The following SLC8A3 variants were observed in gnomAD, a reference collection of about 807,000 sequenced individuals.
SLC8A3 encodes the protein solute carrier family 8 member A3.
Under a neutral mutation model 65.4 loss-of-function variants are expected in SLC8A3, and 37 were observed. The observed-to-expected ratio is 0.57, with a 90% CI of 0.44 to 0.74. SLC8A3 has a LOEUF of 0.74. SLC8A3 is among the 30% of genes least tolerant of loss of function. The pLI, the probability that SLC8A3 is intolerant of heterozygous loss-of-function variation, is 0.00. For missense variants in SLC8A3, 1,112 were observed against 1,172.1 expected (o/e 0.95, Z 0.75); for synonymous variants, 461 against 444.5 (o/e 1.04, Z -0.47).
At chr14:70,066,708 G>C in intron 2 of SLC8A3, among the ~76,000 whole-genome samples, 1 of 152,224 alleles carries the variant, frequency 6.6e-6, no homozygotes, top group East Asian at 1.9e-4. Context: ...CTACTTGGGA[G>C]ACTGAGGCAG....
At chr14:70,107,818 C>G (rs765845076) in intron 2 of SLC8A3, among the ~76,000 whole-genome samples, 1 of 152,076 alleles carries the variant, frequency 6.6e-6, no homozygotes, top group East Asian at 1.9e-4. Context: ...GAGTGAAGCA[C>G]CACAGCAGAT....
At chr14:70,070,662 C>T (rs980048357) in intron 2 of SLC8A3, among the ~76,000 whole-genome samples, 1 of 152,132 alleles carries the variant, frequency 6.6e-6, no homozygotes, top group Non-Finnish European at 1.5e-5. Context: ...ACCATTCCAT[C>T]AGGGAGATGA....
intron 2 of SLC8A3, among the ~76,000 whole-genome samples, chr14:70,061,415 C>G (rs1689711404): frequency 6.6e-6 from 1 of 152,134 alleles, no homozygotes; most frequent in Non-Finnish European, 1.5e-5. Context: ...AATATGTCAA[C>G]AGAACCCAGG....
chr14:70,111,861 TGCTA>T (rs1483516976), intron 2 of SLC8A3, among the ~76,000 whole-genome samples: 1 of 152,140 alleles, frequency 6.6e-6, no homozygotes, highest in Admixed American at 6.5e-5. Flanking sequence ...TGACAGGTAG[TGCTA>T]GATGAGGGGA....
chr14:70,139,907 C>T (rs1468594013), intron 2 of SLC8A3, among the ~76,000 whole-genome samples: 2 of 152,088 alleles, frequency 1.3e-5, no homozygotes, highest in Admixed American at 1.3e-4. Context: ...CAGGCATCTC[C>T]CCCTTTCCCT....
intron 2 of SLC8A3, among the ~76,000 whole-genome samples, chr14:70,153,897 G>C (rs1039055109): frequency 2.1e-4 from 32 of 152,212 alleles, no homozygotes; most frequent in African/African-American, 7.5e-4. Flanking sequence ...ATGGTCCTGA[G>C]CCAGCCTCGC....
intron 2 of SLC8A3, among the ~76,000 whole-genome samples, chr14:70,161,661 T>A (rs1896902855): frequency 6.6e-6 from 1 of 152,140 alleles, no homozygotes; most frequent in South Asian, 2.1e-4. Context: ...GTCTTGTGAC[T>A]CTCTCAAGCA....
intron 2 of SLC8A3, among the ~76,000 whole-genome samples, chr14:70,163,050 G>A (rs569893594): frequency 6.6e-5 from 10 of 152,270 alleles, no homozygotes; most frequent in Admixed American, 3.9e-4. Flanking sequence ...ATCCTTGAGC[G>A]CTGAAATGTC....
Sources: gnomAD v4.1 joint callset for allele counts (sites outside exome capture counted in the v4.1 genomes callset) on GRCh38, gnomAD v4.1.1 for gene constraint, MANE v1.5 for transcripts, NCBI Gene and HGNC (gene_info 2026-07-23, HGNC 2026-07-21) for gene names.